The following DCAF17 variants were observed in gnomAD, a reference collection of about 807,000 sequenced individuals.
DCAF17 encodes DDB1 and CUL4 associated factor 17.
DCAF17 carries 48 observed loss-of-function variants against 66.0 expected under a neutral mutation model. The ratio of observed to expected loss-of-function variants is 0.73; its 90% CI spans 0.58 to 0.92. The LOEUF (loss-of-function observed/expected upper bound fraction) is 0.92. Among genes scored for constraint, DCAF17 ranks in the 40% least tolerant of loss-of-function variants. The pLI is 0.00. For missense variants in DCAF17, 562 were observed against 622.8 expected (o/e 0.90, Z 1.04); for synonymous variants, 206 against 214.6 (o/e 0.96, Z 0.35).
intron 9 of DCAF17, among the ~76,000 whole-genome samples, chr2:171,469,923 A>G (rs1696145624): frequency 6.6e-6 from 1 of 152,216 alleles, no homozygotes; most frequent in Admixed American, 6.5e-5. Context: ...CTCCTGCCAC[A>G]ACCTCCTGAA....
intron 2 of DCAF17, among the ~76,000 whole-genome samples, chr2:171,441,825 C>A (rs1694321103): frequency 6.6e-6 from 1 of 152,186 alleles, no homozygotes; most frequent in Non-Finnish European, 1.5e-5. Flanking sequence ...TTTGCAGAGA[C>A]TTTAAATAGT....
intron 2 of DCAF17, among the ~76,000 whole-genome samples, chr2:171,442,920 A>G (rs549875768): frequency 6.6e-6 from 1 of 152,226 alleles, no homozygotes; most frequent in African/African-American, 2.4e-5. Flanking sequence ...ATCACATCTC[A>G]ACTAATCAGA....
intron 11 of DCAF17, among the ~76,000 whole-genome samples, chr2:171,477,263 T>C (rs1329935081): frequency 3.3e-5 from 5 of 152,226 alleles, no homozygotes; most frequent in Non-Finnish European, 5.9e-5. Flanking sequence ...TGGGGTAATA[T>C]ATAAGTCTTT....
intron 8 of DCAF17, among the ~76,000 whole-genome samples, chr2:171,467,624 G>A (rs1420976323): frequency 2.0e-5 from 3 of 151,318 alleles, no homozygotes; most frequent in Non-Finnish European, 2.9e-5. Flanking sequence ...GTAATACTTA[G>A]GAGGCTGAGG....
At chr2:171,463,797 C>G (rs965150121) in intron 8 of DCAF17, among the ~76,000 whole-genome samples, 5 of 152,020 alleles carry the variant, frequency 3.3e-5, no homozygotes, top group Admixed American at 6.6e-5. Flanking sequence ...CCTTCAATAG[C>G]TGGCATTTTT....
At chr2:171,438,801 A>G (rs56410960) in intron 2 of DCAF17, among the ~76,000 whole-genome samples, 35,598 of 151,838 alleles carry the variant, frequency 0.23, 4,384 homozygotes, top group Admixed American at 0.3. Flanking sequence ...CAGTGGCACA[A>G]TCATAGCTCA....
intron 3 of DCAF17, among the ~76,000 whole-genome samples, chr2:171,444,326 C>A (rs1381925587): frequency 6.6e-6 from 1 of 152,176 alleles, no homozygotes; most frequent in Admixed American, 6.5e-5. Context: ...ACAGGTTGAG[C>A]ATCCCTAATC....
intron 9 of DCAF17, among the ~76,000 whole-genome samples, chr2:171,470,381 T>A (rs1696174433): frequency 6.6e-6 from 1 of 152,110 alleles, no homozygotes. Flanking sequence ...ACAGATCACC[T>A]TTCACCACGC....
At chr2:171,480,922 T>C (rs1326417999) in intron 13 of DCAF17, 52 bp from the exon 14 acceptor site, 14 of 1,605,732 alleles carry the variant, frequency 8.7e-6, no homozygotes, top group Admixed American at 1.7e-5. Context: ...AGTAACACAG[T>C]AGTGAATATG....
Position 171,479,825 on chromosome 2 carries a change from T to C in DCAF17, c.1267-213T>C, listed in dbSNP as rs1696660243. The stretch of plus-strand genomic sequence containing the variant: ...TAGACTTGGTTTTGTTTATCAAATC[T>C]GTAGGATACTGCTTAACTCTTGAAA... On this transcript the variant is annotated intron_variant, in intron 12 of 13. Transcript: ENST00000375255. 5.7e-6 allele frequency: 3 copies of C among 524,580 alleles called. No individual in the cohort carries two copies. In the South Asian group the frequency reaches 6.3e-5, roughly 11 times the overall value. 32.5% of individuals were successfully genotyped at this position (524,580 alleles called of 1,614,324 possible).
chr2:171,474,266 T>C (rs1487196544), intron 10 of DCAF17: 2 of 398,256 alleles, frequency 5.0e-6, no homozygotes, highest in Admixed American at 3.8e-5. Context: ...ATAGGGTTAA[T>C]AAGAAAGAAG....
chr2:171,434,902 A>C (rs1005718498), intron 1 of DCAF17, 181 bp from the exon 2 acceptor site: 39 of 1,032,342 alleles, frequency 3.8e-5, no homozygotes, highest in Non-Finnish European at 5.1e-5. Context: ...CTTATGTCTT[A>C]CCTGGAAACA....
chr2:171,477,995 T>G lies in DCAF17; in HGVS notation c.1191T>G (p.Asn397Lys). ...TTCTTTCCATATGATAGAATGAAAA[T>G]GTACTCACTGTTACAGCTTCTGGAC... ...LANRENHKNE[N>K]VLTVTASGRV... Residue 397 changes from asparagine to lysine, a missense_variant, in exon 12 of 14, where the codon AAT becomes AAG. By Grantham distance (94) the Asn-to-Lys change is moderately conservative. Coordinates refer to ENST00000375255, the MANE Select transcript of DCAF17 (RefSeq NM_025000.4). 1 of 1,613,252 alleles carries G rather than the reference T, an allele frequency of 6.2e-7. No individual in the cohort carries two copies. The highest frequency in any genetic ancestry group is 8.5e-7 in the Non-Finnish European group (1 of 1,179,266).
intron 6 of DCAF17, among the ~76,000 whole-genome samples, chr2:171,453,684 C>A (rs573612522): frequency 2.0e-5 from 3 of 151,840 alleles, no homozygotes; most frequent in Non-Finnish European, 4.4e-5. Flanking sequence ...CCCATTTGTT[C>A]TTGACTTGTG....
At chr2:171,458,583 T>C in intron 8 of DCAF17, 106 bp downstream of exon 8, 1 of 909,026 alleles carries the variant, frequency 1.1e-6, no homozygotes, top group Non-Finnish European at 1.7e-6. Flanking sequence ...TTTAAAAAAC[T>C]CAATTCATTT....
Position 171,482,970 on chromosome 2 carries a change from A to G in DCAF17, c.*1856A>G, listed in dbSNP as rs1429432811. On this transcript the variant is annotated 3_prime_UTR_variant, in exon 14 of 14. Coordinates refer to ENST00000375255, the MANE Select transcript of DCAF17 (RefSeq NM_025000.4). ...ACAGTAAGGAGTTGTGGGCAGTGTA[A>G]CAAACAGGAGAGCTATGCCCCAACT... 6.6e-6 allele frequency: 3 copies of G among 453,998 alleles called. No homozygotes were observed. The highest frequency in any genetic ancestry group is 4.0e-5 in the African/African-American group (2 of 49,994). 28.1% of individuals were successfully genotyped at this position (453,998 alleles called of 1,614,324 possible).
At chr2:171,479,529 A>G (rs1465234330) in intron 12 of DCAF17, 2 of 157,250 alleles carry the variant, frequency 1.3e-5, no homozygotes, top group Non-Finnish European at 2.8e-5. Flanking sequence ...TAAAAAACCA[A>G]AAGGATTTTT....
rs548684828 is a variant in DCAF17 at position 171,483,980 on chromosome 2, A to T, written c.*2866A>T. On this transcript the variant is annotated 3_prime_UTR_variant, in exon 14 of 14. Transcript: ENST00000375255. Reference sequence around the variant, plus strand: ...ACAACTATAATACTAGATATGTAGGAAAGTGCTTAATAATCGTTTTTTACT... The same window carrying T: ...ACAACTATAATACTAGATATGTAGGTAAGTGCTTAATAATCGTTTTTTACT... 3 of 454,060 alleles carry T rather than the reference A, an allele frequency of 6.6e-6. No homozygotes were observed. Among genetic ancestry groups the T allele is most frequent in the African/African-American group, 6.0e-5 (3 of 50,136 alleles). 28.1% of individuals were successfully genotyped at this position (454,060 alleles called of 1,614,324 possible).
At chr2:171,472,163 G>A (rs984766474) in intron 9 of DCAF17, among the ~76,000 whole-genome samples, 38 of 151,888 alleles carry the variant, frequency 2.5e-4, no homozygotes, top group Non-Finnish European at 1.0e-4. Context: ...GGATTAGCAC[G>A]TCTATACTTT....
Sources: gnomAD v4.1 joint callset for allele counts (sites outside exome capture counted in the v4.1 genomes callset) on GRCh38, gnomAD v4.1.1 for gene constraint, MANE v1.5 for transcripts, NCBI Gene and HGNC (gene_info 2026-07-23, HGNC 2026-07-21) for gene names.